Variants in PHAX observed in about 807,000 individuals in gnomAD.
PHAX encodes phosphorylated adaptor for RNA export.
In PHAX, 31 loss-of-function variants were observed where a neutral mutation model predicts 41.6. That is an observed-to-expected ratio of 0.75 (90% CI 0.56 to 1.01). The LOEUF (loss-of-function observed/expected upper bound fraction) is 1.01. PHAX is among the 50% of genes least tolerant of loss of function. PHAX has a pLI of 0.00. For missense variants in PHAX, 453 were observed against 472.9 expected (o/e 0.96, Z 0.39); for synonymous variants, 175 against 164.9 (o/e 1.06, Z -0.47).
intron 3 of PHAX, among the ~76,000 whole-genome samples, chr5:126,614,065 T>G (rs1021892742): frequency 6.6e-6 from 1 of 151,734 alleles, no homozygotes; most frequent in Non-Finnish European, 1.5e-5. Context: ...ACCCCGCCTA[T>G]TTTTTCTTTT....
intron 3 of PHAX, among the ~76,000 whole-genome samples, chr5:126,614,899 G>A (rs1404605490): frequency 6.6e-6 from 1 of 151,974 alleles, no homozygotes; most frequent in African/African-American, 2.4e-5. Flanking sequence ...TGGGATTACA[G>A]GCACACACCA....
At position 126,602,923 on chromosome 5, in the gene PHAX, T is replaced by C. The variant is rs547926947; in HGVS notation, c.97-647T>C. Among the ~76,000 whole-genome samples, 746 of 150,944 alleles carry C rather than the reference T, an allele frequency of 4.9e-3. 7 individuals are homozygous for C. Among genetic ancestry groups the C allele is most frequent in the African/African-American group, 0.017 (703 of 40,968 alleles). On this transcript the variant is annotated intron_variant, in intron 1 of 4. Transcript: ENST00000297540. ...CGGAGGCTGAGGCAGGAGAATGGTG[T>C]GAACCCGGGAGGCGGAGCTTGCAGT...
At chr5:126,601,757 C>G (rs923985710) in intron 1 of PHAX, among the ~76,000 whole-genome samples, 7 of 152,244 alleles carry the variant, frequency 4.6e-5, no homozygotes, top group African/African-American at 1.4e-4. Context: ...ACCTCCGCCT[C>G]CCGGGTTCAA....
rs543770340 is a variant in PHAX, at chr5:126,625,043, T to C, written c.*199T>C. The C allele has an allele frequency of 6.3e-5, 34 of 540,574 alleles. No homozygotes were observed. The highest frequency in any genetic ancestry group is 9.9e-5 in the Non-Finnish European group (31 of 312,108). The allele number at this position is 540,574 out of a possible 1,614,324, so 33.5% of individuals were successfully genotyped here. A position where few individuals can be genotyped will look rare whatever the true frequency, so the allele number is the denominator to read the frequency against. ...ATATATCTGACAAAATACTTAAGAG[T>C]ATATAGCACAGGATTTAATTTCTCA... On this transcript the variant is annotated 3_prime_UTR_variant, in exon 5 of 5. Coordinates refer to ENST00000297540, the MANE Select transcript of PHAX (RefSeq NM_032177.4).
intron 1 of PHAX, among the ~76,000 whole-genome samples, chr5:126,602,470 T>C (rs910248287): frequency 6.6e-6 from 1 of 152,256 alleles, no homozygotes; most frequent in African/African-American, 2.4e-5. Context: ...GAGCATACAG[T>C]GTGCAGTAAT....
intron 3 of PHAX, among the ~76,000 whole-genome samples, chr5:126,608,751 A>G (rs1488795204): frequency 6.6e-6 from 1 of 152,002 alleles, no homozygotes; most frequent in Admixed American, 6.6e-5. Flanking sequence ...AGCCTGACCA[A>G]CATGGAGAAA....
At chr5:126,618,751 C>T (rs1752225598) in intron 4 of PHAX, among the ~76,000 whole-genome samples, 1 of 151,606 alleles carries the variant, frequency 6.6e-6, no homozygotes, top group South Asian at 2.1e-4. Context: ...CTCTGCCTCC[C>T]GGGTTCAAGC....
chr5:126,614,625 A>G (rs370179207), intron 3 of PHAX, among the ~76,000 whole-genome samples: 26 of 152,250 alleles, frequency 1.7e-4, no homozygotes, highest in African/African-American at 6.3e-4. Flanking sequence ...TGAACTGTAC[A>G]CTTAAAAATT....
At position 126,615,041 on chromosome 5, in the gene PHAX, G is replaced by A. The variant is rs534929275; in HGVS notation, c.832-2209G>A. Among the ~76,000 whole-genome samples the A allele has an allele frequency of 1.4e-4, 21 of 151,790 alleles. No homozygotes were observed. In the South Asian group the frequency reaches 2.5e-3, roughly 18 times the overall value. ...GCTGGGATTACAGGCGTGAGCCACC[G>A]TACCCGGCCCTAACACACTTGTTTT... On this transcript the variant is annotated intron_variant, in intron 3 of 4. Coordinates refer to ENST00000297540, the MANE Select transcript of PHAX (RefSeq NM_032177.4).
chr5:126,608,483 T>C lies in PHAX; in HGVS notation c.830T>C (p.Met277Thr). The stretch of plus-strand genomic sequence containing the variant: ...GAACAAAATGGTGGTCTCTTTATAA[T>C]GGTAAGACTGCTTAACTGTTTTTGT... ...EVEQNGGLFI[M>T]NGSRRRTPGG... is the part of the protein sequence containing the mutation. The change falls in exon 3 of 5, where the codon ATG becomes ACG. Residue 277 changes from methionine to threonine, a missense_variant and splice_region_variant. Met to Thr is a moderately conservative substitution (Grantham distance 81). Transcript: ENST00000297540. The C allele has an allele frequency of 1.2e-6, 2 of 1,611,306 alleles. No individual in the cohort carries two copies. The highest frequency in any genetic ancestry group is 1.7e-6 in the Non-Finnish European group (2 of 1,178,406).
Position 126,617,316 on chromosome 5 carries a change from A to C in PHAX, c.898A>C (p.Ser300Arg). Residue 300 changes from serine to arginine, a missense_variant, in exon 4 of 5, where the codon AGC (serine) becomes CGC (arginine). Physicochemically the swap from Ser to Arg is moderately radical, Grantham distance 110. Coordinates refer to ENST00000297540, the MANE Select transcript of PHAX (RefSeq NM_032177.4). Reference sequence around the variant, plus strand: ...TCTCTTGAAAAACACTCCTAGTATCAGCGAGGAACAAATTAAGGTAATGAT... The same window carrying C: ...TCTCTTGAAAAACACTCCTAGTATCCGCGAGGAACAAATTAAGGTAATGAT... The part of the protein sequence containing the change: ...LNLLKNTPSI[S>R]EEQIKDIFYI... The C allele has an allele frequency of 6.2e-7, 1 of 1,605,402 alleles. No homozygotes were observed. Among genetic ancestry groups the C allele is most frequent in the Non-Finnish European group, 8.5e-7 (1 of 1,172,886 alleles).
At chr5:126,607,379 G>T (rs1197457460) in intron 2 of PHAX, among the ~76,000 whole-genome samples, 2 of 147,012 alleles carry the variant, frequency 1.4e-5, no homozygotes, top group East Asian at 4.0e-4. Flanking sequence ...AGGGTGCCAG[G>T]TCTGAATTCT....
chr5:126,615,621 T>A (rs546882055), intron 3 of PHAX, among the ~76,000 whole-genome samples: 1 of 151,518 alleles, frequency 6.6e-6, no homozygotes, highest in East Asian at 1.9e-4. Context: ...GACTGTGACA[T>A]GCGTTAGAGA....
chr5:126,614,006 G>C (rs998063655), intron 3 of PHAX, among the ~76,000 whole-genome samples: 2 of 150,414 alleles, frequency 1.3e-5, no homozygotes, highest in African/African-American at 4.9e-5. Context: ...AAACTCCTGG[G>C]CACTCAAGCA....
At chr5:126,603,497 C>G in intron 1 of PHAX, 73 bp from the exon 2 acceptor site, 1 of 1,497,118 alleles carries the variant, frequency 6.7e-7, no homozygotes, top group Non-Finnish European at 9.0e-7. Flanking sequence ...AGTTGAATCT[C>G]TAAATTTTTA....
rs945024105 is a variant in PHAX, at chr5:126,624,920, C to A, written c.*76C>A. 37 of 1,276,110 alleles carry A rather than the reference C, an allele frequency of 2.9e-5. No homozygotes were observed. The highest frequency in any genetic ancestry group is 9.8e-5 in the Admixed American group (4 of 40,722). The allele number at this position is 1,276,110 out of a possible 1,614,324, so 79.0% of individuals were successfully genotyped here. On this transcript the variant is annotated 3_prime_UTR_variant, in exon 5 of 5. Transcript: ENST00000297540. ...TAAACCATTTTTACTGAGATTGCAA[C>A]GTTTTGCACTGATAAACATGAGAAT...
At chr5:126,609,270 T>C (rs2112831835) in intron 3 of PHAX, among the ~76,000 whole-genome samples, 1 of 151,438 alleles carries the variant, frequency 6.6e-6, no homozygotes, top group South Asian at 2.1e-4. Context: ...CCGGCTAACG[T>C]TTGTATTTTT....
rs926122961 is a variant in PHAX, at chr5:126,603,758, G to T, written c.285G>T (p.Glu95Asp). The change falls in exon 2 of 5, where the codon GAG (glutamate) becomes GAT (aspartate). Residue 95 changes from glutamate (E) to aspartate (D), a missense_variant. Physicochemically the swap from Glu to Asp is conservative, Grantham distance 45 (BLOSUM62 2). Coordinates refer to ENST00000297540, the MANE Select transcript of PHAX (RefSeq NM_032177.4). Reference protein sequence around the residue: ...QKCFNPPPKPEPFQFGQSSQK... With the variant: ...QKCFNPPPKPDPFQFGQSSQK... ...GTTTTAACCCTCCTCCCAAACCAGA[G>T]CCTTTTCAGTTTGGCCAGAGCAGTC... The T allele has an allele frequency of 6.2e-7, 1 of 1,614,096 alleles. No individual in the cohort carries two copies. The highest frequency in any genetic ancestry group is 8.5e-7 in the Non-Finnish European group (1 of 1,180,010).
At position 126,620,137 on chromosome 5, in the gene PHAX, T is replaced by G. The variant is rs76501835; in HGVS notation, c.915+2804T>G. ...GTCATTTTAATAGAGTCTGCTATATTGACATTCCTATAGGAAATGTTACTG... is the reference window on the plus strand; with the variant it reads ...GTCATTTTAATAGAGTCTGCTATATGGACATTCCTATAGGAAATGTTACTG... On this transcript the variant is annotated intron_variant, in intron 4 of 4. Transcript: ENST00000297540. 2.9e-3 allele frequency among the ~76,000 whole-genome samples: 447 copies of G among 152,340 alleles called. 2 individuals carry two copies. Among genetic ancestry groups the G allele is most frequent in the African/African-American group, 0.01 (424 of 41,582 alleles).
Sources: gnomAD v4.1 joint callset for allele counts (sites outside exome capture counted in the v4.1 genomes callset) on GRCh38, gnomAD v4.1.1 for gene constraint, MANE v1.5 for transcripts, NCBI Gene and HGNC (gene_info 2026-07-23, HGNC 2026-07-21) for gene names.